The following RAB27B variants were observed in gnomAD, a reference collection of about 807,000 sequenced individuals.
RAB27B encodes the protein RAB27B, member RAS oncogene family, also known as ras-related protein Rab-27B.
Under a neutral mutation model 24.6 loss-of-function variants are expected in RAB27B, and 15 were observed. The observed-to-expected ratio is 0.61, with a 90% CI of 0.41 to 0.94. The LOEUF is 0.94. RAB27B is among the 40% of genes least tolerant of loss of function. The pLI is 0.00. For synonymous variants in RAB27B, 105 were observed against 92.5 expected (o/e 1.14, Z -0.78); for missense variants, 261 against 266.8 (o/e 0.98, Z 0.15).
chr18:54,875,654 G>T (rs1598985264), intron 1 of RAB27B, among the ~76,000 whole-genome samples: 1 of 151,864 alleles, frequency 6.6e-6, no homozygotes, highest in Non-Finnish European at 1.5e-5. Context: ...GTATGAATTT[G>T]CAGCTTTAAA....
intron 2 of RAB27B, among the ~76,000 whole-genome samples, chr18:54,822,110 G>T (rs1639466196): frequency 6.6e-6 from 1 of 152,098 alleles, no homozygotes; most frequent in Non-Finnish European, 1.5e-5. Context: ...AATAAGGCAA[G>T]ATAATTTCCC....
intron 2 of RAB27B, among the ~76,000 whole-genome samples, chr18:54,739,532 CTTTCTTTCTTTT>C (rs1176885886): frequency 3.4e-5 from 5 of 146,100 alleles, no homozygotes; most frequent in Non-Finnish European, 6.0e-5. Flanking sequence ...CCCTTAAATT[CTTTCTTTCTTTT>C]TTTCTTTCTT....
intron 2 of RAB27B, among the ~76,000 whole-genome samples, chr18:54,783,567 C>G (rs369888922): frequency 6.6e-6 from 1 of 152,002 alleles, no homozygotes; most frequent in East Asian, 1.9e-4. Context: ...TCATGTCAGT[C>G]TCTTAAAGTT....
intron 1 of RAB27B, among the ~76,000 whole-genome samples, chr18:54,840,137 A>C (rs1476525651): frequency 6.6e-6 from 1 of 152,178 alleles, no homozygotes; most frequent in East Asian, 1.9e-4. Context: ...CATGAAGGTA[A>C]GATTGTCTTC....
intron 2 of RAB27B, among the ~76,000 whole-genome samples, chr18:54,745,845 ATTATT>A (rs201528032): frequency 0.043 from 6,316 of 146,390 alleles, 190 homozygotes; most frequent in Admixed American, 0.078. Context: ...ATTATATATT[ATTATT>A]TATAATATTT....
intron 2 of RAB27B, among the ~76,000 whole-genome samples, chr18:54,739,460 A>G (rs1439180125): frequency 2.3e-4 from 34 of 149,994 alleles, no homozygotes; most frequent in Admixed American, 2.2e-3. Context: ...CCATCTCAAA[A>G]AAAAAAAAAA....
At chr18:54,726,852 A>G (rs1319348837) in intron 2 of RAB27B, among the ~76,000 whole-genome samples, 1 of 143,960 alleles carries the variant, frequency 6.9e-6, no homozygotes, top group Non-Finnish European at 1.6e-5. Context: ...AACAATCTCT[A>G]GACTGCTAAT....
At chr18:54,776,555 T>C (rs1392686207) in intron 2 of RAB27B, among the ~76,000 whole-genome samples, 2 of 152,210 alleles carry the variant, frequency 1.3e-5, no homozygotes, top group African/African-American at 4.8e-5. Context: ...ACAACTTCTT[T>C]ATCCTCACAG....
intron 3 of RAB27B, among the ~76,000 whole-genome samples, chr18:54,881,702 T>C (rs1420766): frequency 0.97 from 147,665 of 152,220 alleles, 71,797 homozygotes; most frequent in Non-Finnish European, 1. Context: ...AGGCTGGAAA[T>C]GAATTACTTG....
intron 1 of RAB27B, among the ~76,000 whole-genome samples, chr18:54,871,943 G>C (rs897076978): frequency 6.6e-6 from 1 of 151,866 alleles, no homozygotes; most frequent in South Asian, 2.1e-4. Context: ...GCATTCTTGA[G>C]ACTTATCCAG....
At chr18:54,854,560 TA>T (rs573141504) in intron 1 of RAB27B, among the ~76,000 whole-genome samples, 3,379 of 152,202 alleles carry the variant, frequency 0.022, 59 homozygotes, top group Middle Eastern at 0.048. Context: ...ATGTAGAGAT[TA>T]AAAAAATAAT....
At chr18:54,783,391 A>G (rs1908977491) in intron 2 of RAB27B, among the ~76,000 whole-genome samples, 1 of 152,208 alleles carries the variant, frequency 6.6e-6, no homozygotes, top group Admixed American at 6.5e-5. Flanking sequence ...TGGCTCTGAT[A>G]GCCATTTGTA....
intron 2 of RAB27B, among the ~76,000 whole-genome samples, chr18:54,809,666 G>A (rs1032167338): frequency 6.6e-6 from 1 of 152,210 alleles, no homozygotes; most frequent in African/African-American, 2.4e-5. Context: ...GTTAGGAAAT[G>A]CTTTAGTTAA....
rs544898000 is a variant in RAB27B at position 54,799,878 on chromosome 18, C to A, written c.-19-77689C>A. Among the ~76,000 whole-genome samples, 164 of 152,098 alleles carry A rather than the reference C, an allele frequency of 1.1e-3. 1 individual carries two copies. Among genetic ancestry groups the A allele is most frequent in the Non-Finnish European group, 2.0e-3 (133 of 67,994 alleles). ...AGCCAGGATGGTCTTGATCTCCTGA[C>A]CTTGTGATCCGCCTGCCTCAGCCTC... On this transcript the variant is annotated intron_variant, in intron 2 of 4. Coordinates refer to the RAB27B transcript ENST00000586570.
chr18:54,834,364 A>G (rs372104377), intron 1 of RAB27B, among the ~76,000 whole-genome samples: 48 of 152,150 alleles, frequency 3.2e-4, no homozygotes, highest in African/African-American at 1.1e-3. Flanking sequence ...TTATTAGTCA[A>G]ATATTGCTAG....
intron 1 of RAB27B, among the ~76,000 whole-genome samples, chr18:54,850,717 T>C (rs1189244423): frequency 2.0e-5 from 3 of 151,672 alleles, no homozygotes; most frequent in Non-Finnish European, 4.4e-5. Context: ...CGGTGACTGA[T>C]GAAGGGACTT....
Position 54,890,830 on chromosome 18 carries a change from A to G in RAB27B, c.*1417A>G, listed in dbSNP as rs1274151645. On this transcript the variant is annotated 3_prime_UTR_variant, in exon 6 of 6. Coordinates refer to ENST00000262094, the MANE Select transcript of RAB27B (RefSeq NM_004163.4). ...AAGCTTCCTTTTCTTTCTAAAAAAT[A>G]GTAACAAAATTATTTTTCATTGGCC... 1 of 152,138 alleles carries G rather than the reference A, an allele frequency of 6.6e-6. No individual in the cohort carries two copies. The highest frequency in any genetic ancestry group is 2.4e-5 in the African/African-American group (1 of 41,430). The allele number at this position is 152,138 out of a possible 1,614,324, so 9.4% of individuals were successfully genotyped here. A position where few individuals can be genotyped will look rare whatever the true frequency, so the allele number is the denominator to read the frequency against.
At chr18:54,799,614 A>ATTTTTTTTTT (rs869256244) in intron 2 of RAB27B, among the ~76,000 whole-genome samples, 1 of 67,580 alleles carries the variant, frequency 1.5e-5, no homozygotes, top group African/African-American at 6.0e-5. Flanking sequence ...TAATAAAATG[A>ATTTTTTTTTT]TTTTTTTTTT....
chr18:54,723,026 T>C (rs1909409799), intron 2 of RAB27B, among the ~76,000 whole-genome samples: 2 of 152,206 alleles, frequency 1.3e-5, no homozygotes, highest in Non-Finnish European at 2.9e-5. Context: ...TGGGGGAAAA[T>C]GTCTGTGATG....
Sources: allele counts gnomAD v4.1 joint callset (sites outside exome capture counted in the v4.1 genomes callset), GRCh38; gene constraint gnomAD v4.1.1; transcripts MANE v1.5; gene names NCBI Gene and HGNC (gene_info 2026-07-23, HGNC 2026-07-21).